PDE7B: variants seen among roughly 807,000 people sequenced by gnomAD.
The protein encoded by PDE7B is 3',5'-cyclic-AMP phosphodiesterase 7B.
Under a neutral mutation model 56.2 loss-of-function variants are expected in PDE7B, and 29 were observed. The observed-to-expected ratio is 0.52, with a 90% confidence interval of 0.38 to 0.70. The LOEUF is 0.70. Ranked by LOEUF, PDE7B falls within the 30% of genes least tolerant of loss-of-function variation. PDE7B has a pLI of 0.00. For synonymous variants in PDE7B, 197 were observed against 196.9 expected (o/e 1.00, Z 0.00); for missense variants, 490 against 565.0 (o/e 0.87, Z 1.35).
chr6:135,897,012 C>T (rs1488095247), intron 1 of PDE7B, among the ~76,000 whole-genome samples: 1 of 152,172 alleles, frequency 6.6e-6, no homozygotes, highest in African/African-American at 2.4e-5. Context: ...AAGAAAGACT[C>T]TCTGATACCT....
chr6:136,141,078 T>C (rs1380800744), intron 3 of PDE7B, among the ~76,000 whole-genome samples: 1 of 152,178 alleles, frequency 6.6e-6, no homozygotes, highest in Non-Finnish European at 1.5e-5. Context: ...TTTTTGCCCA[T>C]TCAGTATGAT....
chr6:135,946,002 C>T (rs1478910874), intron 1 of PDE7B, among the ~76,000 whole-genome samples: 1 of 152,058 alleles, frequency 6.6e-6, no homozygotes, highest in Non-Finnish European at 1.5e-5. Flanking sequence ...GTGTGCCCTC[C>T]AACATTTCAT....
chr6:136,038,524 T>TA, intron 2 of PDE7B: 1 of 1,276,316 alleles, frequency 7.8e-7, no homozygotes, highest in Non-Finnish European at 1.0e-6. Context: ...TCCGCAGCTT[T>TA]CCAGGTAAAT....
At chr6:136,103,048 G>A (rs1362216424) in intron 2 of PDE7B, among the ~76,000 whole-genome samples, 2 of 152,120 alleles carry the variant, frequency 1.3e-5, no homozygotes, top group African/African-American at 4.8e-5. Context: ...TGCGAAAAAT[G>A]TGGTTTCTGG....
chr6:136,125,984 T>A (rs909057021), intron 3 of PDE7B, among the ~76,000 whole-genome samples: 2 of 151,984 alleles, frequency 1.3e-5, no homozygotes, highest in African/African-American at 4.8e-5. Context: ...TAAAAAAAAA[T>A]CATAATAAGG....
chr6:135,950,124 T>C (rs892559669), intron 2 of PDE7B, among the ~76,000 whole-genome samples: 3 of 152,122 alleles, frequency 2.0e-5, no homozygotes, highest in Admixed American at 6.6e-5. Context: ...AAAATGATCC[T>C]AGATGATAAA....
rs371187952 is a variant in PDE7B, at chr6:136,074,738, T to C, written c.83-33993T>C. On this transcript the variant is annotated intron_variant, in intron 2 of 12. Coordinates refer to ENST00000308191, the MANE Select transcript of PDE7B (RefSeq NM_018945.4). ...CTAACGACCTCCGAGTGAATCCATA[T>C]TGTTGCAAATGACTGGATCTCATTC... Among the ~76,000 whole-genome samples the C allele has an allele frequency of 9.2e-5, 14 of 152,324 alleles. 1 individual carries two copies. The East Asian group carries it at 2.3e-3, about 25-fold the overall frequency.
chr6:136,085,325 T>A (rs1034099110), intron 2 of PDE7B, among the ~76,000 whole-genome samples: 1 of 152,060 alleles, frequency 6.6e-6, no homozygotes, highest in Non-Finnish European at 1.5e-5. Flanking sequence ...CAGGGGAAAA[T>A]ATATATATAT....
intron 2 of PDE7B, among the ~76,000 whole-genome samples, chr6:136,032,797 G>A (rs1368687347): frequency 6.6e-6 from 1 of 152,156 alleles, no homozygotes; most frequent in Non-Finnish European, 1.5e-5. Flanking sequence ...GCACATTACA[G>A]TTTAAAAATA....
At chr6:135,917,381 A>G (rs968375358) in intron 1 of PDE7B, among the ~76,000 whole-genome samples, 10 of 152,056 alleles carry the variant, frequency 6.6e-5, no homozygotes, top group African/African-American at 2.4e-4. Context: ...TCTGCTGTTA[A>G]GCCCTACCCA....
intron 3 of PDE7B, among the ~76,000 whole-genome samples, chr6:136,120,097 C>A (rs1777905729): frequency 6.6e-6 from 1 of 152,126 alleles, no homozygotes; most frequent in Admixed American, 6.6e-5. Context: ...TAGTGTAATA[C>A]CTGCCATGGT....
intron 2 of PDE7B, among the ~76,000 whole-genome samples, chr6:135,972,204 AGCCTGG>A (rs35305447): frequency 0.077 from 9,688 of 126,036 alleles, 615 homozygotes; most frequent in African/African-American, 0.19. Context: ...ATTACACTCC[AGCCTGG>A]GCAACTAGAG....
intron 1 of PDE7B, among the ~76,000 whole-genome samples, chr6:135,903,473 G>A (rs758646461): frequency 6.6e-6 from 1 of 152,216 alleles, no homozygotes; most frequent in Middle Eastern, 3.4e-3. Context: ...AGAATGAGGG[G>A]CACACAAAGT....
At chr6:136,055,207 G>T (rs778745397) in intron 2 of PDE7B, among the ~76,000 whole-genome samples, 1 of 152,166 alleles carries the variant, frequency 6.6e-6, no homozygotes, top group Non-Finnish European at 1.5e-5. Context: ...CATTTTAAAG[G>T]TTATAATGGT....
chr6:135,866,125 A>G (rs893785293), intron 1 of PDE7B, among the ~76,000 whole-genome samples: 8 of 152,166 alleles, frequency 5.3e-5, no homozygotes, highest in African/African-American at 1.7e-4. Flanking sequence ...GAAAATTCCA[A>G]CTGTTCAGAA....
intron 1 of PDE7B, among the ~76,000 whole-genome samples, chr6:135,910,834 C>T (rs922269964): frequency 6.6e-6 from 1 of 152,036 alleles, no homozygotes; most frequent in Non-Finnish European, 1.5e-5. Context: ...ATTGCATTAT[C>T]TCGACACAGC....
intron 3 of PDE7B, among the ~76,000 whole-genome samples, chr6:136,110,389 A>G (rs1219716858): frequency 6.6e-6 from 1 of 152,126 alleles, no homozygotes; most frequent in African/African-American, 2.4e-5. Flanking sequence ...GGTTTCTCCA[A>G]GCAGGACAAG....
At chr6:136,172,851 C>T (rs1244132628) in intron 8 of PDE7B, among the ~76,000 whole-genome samples, 1 of 152,098 alleles carries the variant, frequency 6.6e-6, no homozygotes. Context: ...CATTCTTATA[C>T]ACCAATAACA....
At chr6:136,073,402 A>T (rs1777080529) in intron 2 of PDE7B, among the ~76,000 whole-genome samples, 1 of 152,222 alleles carries the variant, frequency 6.6e-6, no homozygotes. Flanking sequence ...GTCATAACAC[A>T]GCACCATAAA....
Sources: allele counts gnomAD v4.1 joint callset (sites outside exome capture counted in the v4.1 genomes callset), GRCh38; gene constraint gnomAD v4.1.1; transcripts MANE v1.5; gene names NCBI Gene and HGNC (gene_info 2026-07-23, HGNC 2026-07-21).